MARCHF4: variants seen among roughly 807,000 people sequenced by gnomAD.
MARCHF4 encodes the protein E3 ubiquitin-protein ligase MARCHF4.
MARCHF4 carries 14 observed loss-of-function variants against 43.9 expected under a neutral mutation model. That is an observed-to-expected ratio of 0.32 (90% CI 0.21 to 0.50). MARCHF4 has a LOEUF of 0.50. Among genes scored for constraint, MARCHF4 ranks in the 20% least tolerant of loss-of-function variants. MARCHF4 has a pLI of 0.98. For synonymous variants in MARCHF4, 226 were observed against 213.3 expected, an observed-to-expected ratio of 1.06 and a Z score of -0.52; for missense variants, 468 against 536.7, an observed-to-expected ratio of 0.87 and a Z score of 1.27.
intron 1 of MARCHF4, among the ~76,000 whole-genome samples, chr2:216,340,357 G>A (rs905598590): frequency 5.3e-5 from 8 of 152,186 alleles, no homozygotes; most frequent in African/African-American, 1.9e-4. Flanking sequence ...TAGTGATTTT[G>A]AAGGGCTGGC....
At chr2:216,326,646 T>A (rs973464299) in intron 1 of MARCHF4, among the ~76,000 whole-genome samples, 5 of 152,072 alleles carry the variant, frequency 3.3e-5, no homozygotes, top group African/African-American at 9.7e-5. Flanking sequence ...AAATGATGAG[T>A]TCATGTCCTT....
intron 3 of MARCHF4, among the ~76,000 whole-genome samples, chr2:216,274,097 G>A (rs892367411): frequency 5.3e-5 from 8 of 152,190 alleles, no homozygotes; most frequent in South Asian, 2.1e-4. Flanking sequence ...GGGCTTCCCC[G>A]AGCACAGTGA....
At chr2:216,339,181 T>TC (rs1692201662) in intron 1 of MARCHF4, among the ~76,000 whole-genome samples, 1 of 152,060 alleles carries the variant, frequency 6.6e-6, no homozygotes, top group South Asian at 2.1e-4. Flanking sequence ...TAGTCACCAA[T>TC]CCCCCCTTTC....
At chr2:216,302,164 A>G (rs781418071) in intron 1 of MARCHF4, among the ~76,000 whole-genome samples, 1 of 152,230 alleles carries the variant, frequency 6.6e-6, no homozygotes, top group Non-Finnish European at 1.5e-5. Flanking sequence ...ATAAACCATT[A>G]CTTAGAACAA....
At chr2:216,348,431 A>G (rs963186348) in intron 1 of MARCHF4, among the ~76,000 whole-genome samples, 1 of 152,136 alleles carries the variant, frequency 6.6e-6, no homozygotes, top group African/African-American at 2.4e-5. Context: ...GGCAGTAAAG[A>G]AGCTGGCCAA....
At chr2:216,354,891 T>TTTTCTCTCTTTC (rs1692458376) in intron 1 of MARCHF4, among the ~76,000 whole-genome samples, 1 of 86,718 alleles carries the variant, frequency 1.2e-5, no homozygotes, top group Non-Finnish European at 2.3e-5. Flanking sequence ...TTAATAATTG[T>TTTTCTCTCTTTC]TTTCTTTCTT....
intron 1 of MARCHF4, among the ~76,000 whole-genome samples, chr2:216,331,609 G>C (rs1387181294): frequency 6.6e-6 from 1 of 152,090 alleles, no homozygotes; most frequent in Non-Finnish European, 1.5e-5. Context: ...TGAATCCAAT[G>C]ATACATAAAA....
At chr2:216,296,331 G>C (rs1691394212) in intron 1 of MARCHF4, among the ~76,000 whole-genome samples, 1 of 152,220 alleles carries the variant, frequency 6.6e-6, no homozygotes, top group South Asian at 2.1e-4. Context: ...GGGCGACAGA[G>C]CGAGACTCCA....
intron 1 of MARCHF4, among the ~76,000 whole-genome samples, chr2:216,299,750 T>C (rs1691457049): frequency 6.6e-6 from 1 of 152,236 alleles, no homozygotes; most frequent in Non-Finnish European, 1.5e-5. Flanking sequence ...CAACTACTTA[T>C]TACTTTTCAC....
rs1692600309 is a variant in MARCHF4 at position 216,362,531 on chromosome 2, CCTT to C, written c.516+7211_516+7213del. The stretch of plus-strand genomic sequence containing the variant: ...GAAGGAGAAAAATAATTTGATCTGT[CCTT>C]CTCAACCCCTCTATGGACAGGTCCT... On this transcript the variant is annotated intron_variant, in intron 1 of 3. Transcript: ENST00000273067. Among the ~76,000 whole-genome samples the C allele has an allele frequency of 2.6e-5, 4 of 152,300 alleles. No individual in the cohort carries two copies. In the South Asian group the frequency reaches 8.3e-4, roughly 32 times the overall value.
chr2:216,268,360 T>G (rs1319884861), intron 3 of MARCHF4, among the ~76,000 whole-genome samples: 1 of 152,214 alleles, frequency 6.6e-6, no homozygotes, highest in African/African-American at 2.4e-5. Context: ...TCATCTTGAA[T>G]TGTAATCCCC....
At chr2:216,362,667 A>C (rs1231509778) in intron 1 of MARCHF4, among the ~76,000 whole-genome samples, 1 of 152,130 alleles carries the variant, frequency 6.6e-6, no homozygotes, top group Non-Finnish European at 1.5e-5. Flanking sequence ...TAGAACCTAT[A>C]TTTGGAAACT....
At chr2:216,362,375 G>A (rs1692597763) in intron 1 of MARCHF4, among the ~76,000 whole-genome samples, 1 of 152,210 alleles carries the variant, frequency 6.6e-6, no homozygotes, top group Non-Finnish European at 1.5e-5. Context: ...AAGTAGCAGG[G>A]GAAACGATTA....
At chr2:216,343,593 A>T (rs1441093444) in intron 1 of MARCHF4, among the ~76,000 whole-genome samples, 1 of 152,204 alleles carries the variant, frequency 6.6e-6, no homozygotes, top group African/African-American at 2.4e-5. Flanking sequence ...GCTGGAAGCT[A>T]ATATCTGAGC....
chr2:216,292,173 C>A (rs573289967), intron 1 of MARCHF4, among the ~76,000 whole-genome samples: 2 of 152,334 alleles, frequency 1.3e-5, no homozygotes, highest in East Asian at 1.9e-4. Flanking sequence ...GGGGGTGGGA[C>A]AACATGGGGT....
intron 1 of MARCHF4, among the ~76,000 whole-genome samples, chr2:216,369,226 C>T (rs1200329432): frequency 6.6e-6 from 1 of 152,112 alleles, no homozygotes; most frequent in African/African-American, 2.4e-5. Flanking sequence ...CTGAGGATGT[C>T]AACGTGATAT....
Position 216,283,673 on chromosome 2 carries a change from A to G in MARCHF4, c.573T>C (p.Pro191=). Residue 191 remains proline, a synonymous_variant, in exon 2 of 4, where the codon CCT becomes CCC. Coordinates refer to ENST00000273067, the MANE Select transcript of MARCHF4 (RefSeq NM_020814.3). ...CDGSVKCTHQ[P]CLIKWISERG... ...GCTCGCTGATCCACTTGATGAGGCA[A>G]GGCTGGTGTGTGCACTTGACCGAGC... 6.2e-7 allele frequency: 1 copy of G among 1,613,608 alleles called. No homozygotes were observed. The highest frequency in any genetic ancestry group is 1.3e-5 in the African/African-American group (1 of 75,058).
chr2:216,369,878 G>A lies in MARCHF4; in HGVS notation c.383C>T (p.Ala128Val). Residue 128 changes from alanine (A) to valine (V), a missense_variant, in exon 1 of 4, where the codon GCC becomes GTC. By Grantham distance (64) the Ala-to-Val change is moderately conservative (BLOSUM62 0). Around this residue, in one of 3 missense-constraint regions of MARCHF4, gnomAD observed 158 missense variants for 251.1 expected, o/e 0.63. Coordinates refer to ENST00000273067, the MANE Select transcript of MARCHF4 (RefSeq NM_020814.3). ...TGAGGAGGCACTGCTGAGCAGCGAG[G>A]CAGGTGGCTCTGTGGCTGGGCCACC... Reference protein sequence around the residue: ...DWGGPATEPPASLLSSASSDD... With the variant: ...DWGGPATEPPVSLLSSASSDD... 2 of 1,614,000 alleles carry A rather than the reference G, an allele frequency of 1.2e-6. No individual in the cohort carries two copies. The highest frequency in any genetic ancestry group is 1.7e-6 in the Non-Finnish European group (2 of 1,180,018).
intron 1 of MARCHF4, among the ~76,000 whole-genome samples, chr2:216,356,523 A>G (rs1388011210): frequency 1.3e-5 from 2 of 152,196 alleles, no homozygotes; most frequent in Admixed American, 1.3e-4. Flanking sequence ...TGAAGTTCGG[A>G]GGATTTAATT....
Sources: allele counts gnomAD v4.1 joint callset (sites outside exome capture counted in the v4.1 genomes callset), GRCh38; gene constraint gnomAD v4.1.1; regional missense constraint gnomAD v4.1.1; transcripts MANE v1.5; gene names NCBI Gene and HGNC (gene_info 2026-07-23, HGNC 2026-07-21).